PSMA1: variants seen among roughly 807,000 people sequenced by gnomAD.
PSMA1 encodes proteasome subunit alpha type-1.
Under a neutral mutation model 38.4 loss-of-function variants are expected in PSMA1, and 3 were observed. That is an observed-to-expected ratio of 0.08 (90% confidence interval 0.04 to 0.20). The LOEUF (loss-of-function observed/expected upper bound fraction) is 0.20. PSMA1 is among the 10% of genes least tolerant of loss of function. The pLI is 1.00. For synonymous variants in PSMA1, 101 were observed against 107.1 expected, an observed-to-expected ratio of 0.94 and a Z score of 0.35; for missense variants, 227 against 325.3, an observed-to-expected ratio of 0.70 and a Z score of 2.32.
intron 4 of PSMA1, among the ~76,000 whole-genome samples, chr11:14,514,726 A>G (rs1187655289): frequency 1.3e-5 from 2 of 152,240 alleles, no homozygotes; most frequent in African/African-American, 4.8e-5. Flanking sequence ...AAATCTTTGT[A>G]TCAGAGCACT....
At chr11:14,559,233 C>T (rs908340173) in intron 2 of PSMA1, among the ~76,000 whole-genome samples, 1 of 152,044 alleles carries the variant, frequency 6.6e-6, no homozygotes. Flanking sequence ...GTGTAAATCA[C>T]GAATACAAGG....
At chr11:14,596,176 G>A (rs1342779068) in intron 2 of PSMA1, among the ~76,000 whole-genome samples, 1 of 152,222 alleles carries the variant, frequency 6.6e-6, no homozygotes, top group African/African-American at 2.4e-5. Flanking sequence ...GTCAGGTAGT[G>A]TGATGCCTCC....
chr11:14,589,851 A>G (rs1482643726), intron 2 of PSMA1, among the ~76,000 whole-genome samples: 3 of 152,170 alleles, frequency 2.0e-5, no homozygotes, highest in Non-Finnish European at 4.4e-5. Context: ...ACAGTGTCCA[A>G]CGCTGTACAC....
chr11:14,541,918 G>A (rs1851777318), intron 2 of PSMA1, among the ~76,000 whole-genome samples: 1 of 152,196 alleles, frequency 6.6e-6, no homozygotes, highest in African/African-American at 2.4e-5. Context: ...ATATATTGCC[G>A]CTTTTTTATA....
intron 2 of PSMA1, among the ~76,000 whole-genome samples, chr11:14,579,509 T>TTTTTC (rs746024063): frequency 1.6e-5 from 2 of 125,428 alleles, no homozygotes; most frequent in Non-Finnish European, 3.3e-5. Context: ...TTTTTTTTTT[T>TTTTTC]AAATAAGGTA....
chr11:14,605,391 T>C (rs529731186), intron 2 of PSMA1, among the ~76,000 whole-genome samples: 137 of 152,266 alleles, frequency 9.0e-4, no homozygotes, highest in Middle Eastern at 3.4e-3. Flanking sequence ...CATTAATTTT[T>C]TTATTTTTTT....
At chr11:14,594,421 G>T (rs529338663) in intron 2 of PSMA1, among the ~76,000 whole-genome samples, 22 of 152,208 alleles carry the variant, frequency 1.4e-4, no homozygotes, top group African/African-American at 5.3e-4. Context: ...CACAGGGAAG[G>T]GGGGGGTTCA....
chr11:14,520,393 G>A (rs980023370), upstream of PSMA1: 27 of 1,613,588 alleles, frequency 1.7e-5, no homozygotes, highest in African/African-American at 6.7e-5. Context: ...AGAGAAGTCT[G>A]CGGGAGTTTG....
chr11:14,618,889 G>A (rs889327890), intron 1 of PSMA1, among the ~76,000 whole-genome samples: 2 of 152,174 alleles, frequency 1.3e-5, no homozygotes, highest in African/African-American at 4.8e-5. Context: ...CTGGATTTAA[G>A]TTCTGTAACA....
intron 1 of PSMA1, among the ~76,000 whole-genome samples, chr11:14,618,411 C>T (rs1852801980): frequency 6.6e-6 from 1 of 152,196 alleles, no homozygotes; most frequent in South Asian, 2.1e-4. Context: ...TATCAATGGT[C>T]ACTTCAAAAA....
chr11:14,638,825 C>T (rs990419095), intron 1 of PSMA1, among the ~76,000 whole-genome samples: 12 of 150,744 alleles, frequency 8.0e-5, no homozygotes, highest in Non-Finnish European at 1.3e-4. Flanking sequence ...AGGCTGCCAC[C>T]GTCGTGGCTG....
At chr11:14,575,201 G>A (rs1158023648) in intron 2 of PSMA1, among the ~76,000 whole-genome samples, 2 of 152,090 alleles carry the variant, frequency 1.3e-5, no homozygotes, top group Non-Finnish European at 1.5e-5. Context: ...GAACCTGGGG[G>A]AGATGATTTA....
chr11:14,573,356 A>G (rs1383957376), intron 2 of PSMA1, among the ~76,000 whole-genome samples: 4 of 152,222 alleles, frequency 2.6e-5, no homozygotes, highest in Non-Finnish European at 4.4e-5. Flanking sequence ...GGCTGGCTCA[A>G]TGTATGCAAA....
chr11:14,509,754 G>T (rs1224475415), intron 8 of PSMA1, among the ~76,000 whole-genome samples: 1 of 130,970 alleles, frequency 7.6e-6, no homozygotes, highest in Non-Finnish European at 1.6e-5. Flanking sequence ...TCGCTCTGTC[G>T]CCCAGGCTGG....
intron 2 of PSMA1, among the ~76,000 whole-genome samples, chr11:14,572,943 C>T (rs965545725): frequency 3.9e-5 from 6 of 152,158 alleles, no homozygotes; most frequent in Non-Finnish European, 8.8e-5. Flanking sequence ...TGGACACATA[C>T]ACCCTCTGAA....
intron 2 of PSMA1, among the ~76,000 whole-genome samples, chr11:14,575,187 C>T (rs2134180272): frequency 6.6e-6 from 1 of 152,182 alleles, no homozygotes; most frequent in Middle Eastern, 3.4e-3. Context: ...ATCTGTGGAA[C>T]TTTGAACCTG....
chr11:14,538,931 T>G (rs544333283), intron 2 of PSMA1, among the ~76,000 whole-genome samples: 1 of 152,342 alleles, frequency 6.6e-6, no homozygotes, highest in East Asian at 1.9e-4. Flanking sequence ...AACAAGAATA[T>G]GTAATGGCAG....
At chr11:14,524,307 T>C (rs1287637238), upstream of PSMA1, among the ~76,000 whole-genome samples, 1 of 152,074 alleles carries the variant, frequency 6.6e-6, no homozygotes, top group Admixed American at 6.5e-5. Context: ...CCCAGTGACC[T>C]GCACGTATAC....
chr11:14,629,502 G>C (rs954105747), intron 1 of PSMA1, among the ~76,000 whole-genome samples: 1 of 151,094 alleles, frequency 6.6e-6, no homozygotes, highest in Admixed American at 6.6e-5. Flanking sequence ...ATTTCTGAGG[G>C]CTCTGTTCTG....
Sources: gnomAD v4.1 joint callset for allele counts (sites outside exome capture counted in the v4.1 genomes callset) on GRCh38, gnomAD v4.1.1 for gene constraint, MANE v1.5 for transcripts, NCBI Gene and HGNC (gene_info 2026-07-23, HGNC 2026-07-21) for gene names.